Variants in DCSTAMP observed in about 807,000 individuals in gnomAD.
The protein encoded by DCSTAMP is dendritic cell-specific transmembrane protein.
In DCSTAMP, 25 loss-of-function variants were observed where a neutral mutation model predicts 33.8. The observed-to-expected ratio is 0.74, with a 90% CI of 0.54 to 1.03. The LOEUF is 1.03. DCSTAMP is among the 50% of genes least tolerant of loss of function. The pLI is 0.00. For synonymous variants in DCSTAMP, 245 were observed against 216.7 expected (o/e 1.13, Z -1.15); for missense variants, 531 against 556.8 (o/e 0.95, Z 0.47).
intron 3 of DCSTAMP, 144 bp downstream of exon 3, chr8:104,355,329 T>G (rs1243118561): frequency 2.6e-6 from 2 of 769,390 alleles, no homozygotes; most frequent in African/African-American, 1.8e-5. Flanking sequence ...TGAGGAAAAA[T>G]GAACAAACGT....
At chr8:104,353,454 C>T (rs1335116168) in intron 2 of DCSTAMP, among the ~76,000 whole-genome samples, 1 of 152,208 alleles carries the variant, frequency 6.6e-6, no homozygotes, top group African/African-American at 2.4e-5. Flanking sequence ...GACCGAACAC[C>T]CGCTGCTTTC....
At chr8:104,340,279 G>C (rs1445289534) in intron 1 of DCSTAMP, 2 of 152,136 alleles carry the variant, frequency 1.3e-5, no homozygotes, top group Non-Finnish European at 2.9e-5. Flanking sequence ...TTCCTTTCTT[G>C]TGTGAAGGCT....
rs1227918360 is a variant in DCSTAMP, at chr8:104,355,148, G to A, written c.1301G>A (p.Gly434Glu). The A allele has an allele frequency of 6.2e-6, 10 of 1,614,012 alleles. No individual in the cohort carries two copies. The highest frequency in any genetic ancestry group is 8.5e-6 in the Non-Finnish European group (10 of 1,179,994). ...LLKKRSKQPLGEVKRRLSLYL... is the reference protein window; with the variant it reads ...LLKKRSKQPLEEVKRRLSLYL... ...AAAAAAAGATCAAAGCAGCCGCTGGGAGAAGTCAAAAGACGGCTGAGTCTC... is the reference window on the plus strand; with the variant it reads ...AAAAAAAGATCAAAGCAGCCGCTGGAAGAAGTCAAAAGACGGCTGAGTCTC... Residue 434 changes from glycine to glutamate, a missense_variant, in exon 3 of 4, where the codon GGA becomes GAA. By Grantham distance (98) the Gly-to-Glu change is moderately conservative (BLOSUM62 -2). Transcript: ENST00000297581.
In DCSTAMP at chr8:104,355,019, G is replaced by T. The variant is rs182628137; in HGVS notation, c.1172G>T (p.Gly391Val). Residue 391 changes from glycine to valine, a missense_variant, in exon 3 of 4, where the codon GGA becomes GTA. Gly to Val is a moderately radical substitution (Grantham distance 109, BLOSUM62 -3). Coordinates refer to ENST00000297581, the MANE Select transcript of DCSTAMP (RefSeq NM_030788.4). ...SVILLILVML[G>V]LLSSILMQLK... is the part of the protein sequence containing the mutation. ...ATTCTTTTGATATTAGTGATGCTGG[G>T]ACTGTTGTCCTCTATCCTTATGCAA... 6.2e-7 allele frequency: 1 copy of T among 1,614,136 alleles called. No homozygotes were observed. The highest frequency in any genetic ancestry group is 2.2e-5 in the East Asian group (1 of 44,886).
At chr8:104,344,281 G>C (rs74552562) in intron 1 of DCSTAMP, among the ~76,000 whole-genome samples, 3 of 151,676 alleles carry the variant, frequency 2.0e-5, no homozygotes, top group African/African-American at 7.3e-5. Context: ...TTAAATGTAA[G>C]TGATTTGATT....
chr8:104,352,495 C>T (rs1466150517), intron 2 of DCSTAMP, among the ~76,000 whole-genome samples: 1 of 152,150 alleles, frequency 6.6e-6, no homozygotes, highest in Admixed American at 6.5e-5. Context: ...TGTCTTCCCC[C>T]CTCAATTCTC....
chr8:104,343,545 A>G (rs1408714219), intron 1 of DCSTAMP, among the ~76,000 whole-genome samples: 1 of 152,142 alleles, frequency 6.6e-6, no homozygotes, highest in African/African-American at 2.4e-5. Context: ...TTGGGTCTCT[A>G]AGGAAGTAAT....
At chr8:104,352,296 G>C (rs1429103046) in intron 2 of DCSTAMP, among the ~76,000 whole-genome samples, 1 of 152,136 alleles carries the variant, frequency 6.6e-6, no homozygotes, top group African/African-American at 2.4e-5. Flanking sequence ...TGAGCTCTCT[G>C]AGTCCCCTGA....
At chr8:104,347,953 G>GA (rs1364298654) in intron 1 of DCSTAMP, among the ~76,000 whole-genome samples, 1 of 152,162 alleles carries the variant, frequency 6.6e-6, no homozygotes, top group Non-Finnish European at 1.5e-5. Context: ...AGTCTAGAGA[G>GA]AAAACATAAG....
chr8:104,355,993 A>T, intron 3 of DCSTAMP, 131 bp from the exon 4 acceptor site: 1 of 746,390 alleles, frequency 1.3e-6, no homozygotes, highest in South Asian at 1.8e-5. Context: ...ACCCACAAAA[A>T]TAAGCTTGTC....
intron 1 of DCSTAMP, among the ~76,000 whole-genome samples, chr8:104,346,526 C>A (rs1482344006): frequency 6.6e-6 from 1 of 152,222 alleles, no homozygotes; most frequent in Non-Finnish European, 1.5e-5. Context: ...GGAACTATGG[C>A]CTTTTGCTGG....
At position 104,349,442 on chromosome 8, in the gene DCSTAMP, T is replaced by C; in HGVS notation, c.890T>C (p.Phe297Ser). Residue 297 changes from phenylalanine (F) to serine (S), a missense_variant, in exon 2 of 4, where the codon TTC becomes TCC. Physicochemically the swap from Phe to Ser is radical, Grantham distance 155. Coordinates refer to ENST00000297581, the MANE Select transcript of DCSTAMP (RefSeq NM_030788.4). ...PKERKNLGLF[F>S]LPILIHLCIW... Reference sequence around the variant, plus strand: ...GAAAGGAAAAACCTGGGGCTGTTTTTCCTCCCCATACTTATCCATCTCTGC... The same window carrying C: ...GAAAGGAAAAACCTGGGGCTGTTTTCCCTCCCCATACTTATCCATCTCTGC... The C allele has an allele frequency of 6.2e-7, 1 of 1,614,200 alleles. No individual in the cohort carries two copies. The highest frequency in any genetic ancestry group is 8.5e-7 in the Non-Finnish European group (1 of 1,180,034).
At chr8:104,350,545 C>T (rs1367902038) in intron 2 of DCSTAMP, among the ~76,000 whole-genome samples, 1 of 152,250 alleles carries the variant, frequency 6.6e-6, no homozygotes, top group Non-Finnish European at 1.5e-5. Flanking sequence ...AAATGCTACA[C>T]AGCTACACTT....
chr8:104,348,366 A>G (rs2140472232), intron 1 of DCSTAMP, among the ~76,000 whole-genome samples, 175 bp from the exon 2 acceptor site: 1 of 151,722 alleles, frequency 6.6e-6, no homozygotes, highest in South Asian at 2.1e-4. Flanking sequence ...ATAGACCTCA[A>G]CTCTTGGTGG....
intron 2 of DCSTAMP, among the ~76,000 whole-genome samples, chr8:104,354,111 C>T (rs1046319204): frequency 6.6e-6 from 1 of 152,118 alleles, no homozygotes; most frequent in African/African-American, 2.4e-5. Flanking sequence ...CTCTTGCCTT[C>T]AAAAAGAAGG....
intron 1 of DCSTAMP, among the ~76,000 whole-genome samples, chr8:104,345,870 AC>A (rs368379755): frequency 8.5e-5 from 13 of 152,346 alleles, no homozygotes; most frequent in Non-Finnish European, 1.9e-4. Context: ...GATGCAGGGA[AC>A]AAAAAGTGAG....
At position 104,354,997 on chromosome 8, in the gene DCSTAMP, C is replaced by G. The variant is rs767556903; in HGVS notation, c.1150C>G (p.Leu384Val). The G allele has an allele frequency of 2.5e-6, 4 of 1,614,072 alleles. No homozygotes were observed. The East Asian group carries it at 8.9e-5, about 36-fold the overall frequency. The change falls in exon 3 of 4, where the codon CTT becomes GTT. Residue 384 changes from leucine (L) to valine (V), a missense_variant. By Grantham distance (32) the Leu-to-Val change is conservative. Coordinates refer to ENST00000297581, the MANE Select transcript of DCSTAMP (RefSeq NM_030788.4). ...SETWVPLSVI[L>V]LILVMLGLLS... ...GACCTGGGTTCCTCTCAGTGTTATTCTTTTGATATTAGTGATGCTGGGACT... is the reference window on the plus strand; with the variant it reads ...GACCTGGGTTCCTCTCAGTGTTATTGTTTTGATATTAGTGATGCTGGGACT...
At chr8:104,356,043 C>A in intron 3 of DCSTAMP, 81 bp from the exon 4 acceptor site, 1 of 1,295,330 alleles carries the variant, frequency 7.7e-7, no homozygotes, top group Non-Finnish European at 1.1e-6. Context: ...ATCTTTAACC[C>A]CACAATGAAA....
In DCSTAMP at chr8:104,349,549, G is replaced by A. The variant is rs754799166; in HGVS notation, c.997G>A (p.Gly333Arg). 2 of 1,613,338 alleles carry A rather than the reference G, an allele frequency of 1.2e-6. No homozygotes were observed. Among genetic ancestry groups the A allele is most frequent in the Non-Finnish European group, 1.7e-6 (2 of 1,179,854 alleles). The change falls in exon 2 of 4, where the codon GGG becomes AGG. Residue 333 changes from glycine to arginine, a missense_variant. Gly to Arg is a moderately radical substitution (Grantham distance 125). Coordinates refer to ENST00000297581, the MANE Select transcript of DCSTAMP (RefSeq NM_030788.4). ...SVSKQFQSLPGFEVHLKLHGE... is the reference protein window; with the variant it reads ...SVSKQFQSLPRFEVHLKLHGE... The stretch of plus-strand genomic sequence containing the variant: ...GAGCAAGCAGTTTCAAAGCTTGCCA[G>A]GGTTTGAGGTTCACTTGAAACTGCA...
Sources: gnomAD v4.1 joint callset for allele counts (sites outside exome capture counted in the v4.1 genomes callset) on GRCh38, gnomAD v4.1.1 for gene constraint, MANE v1.5 for transcripts, NCBI Gene and HGNC (gene_info 2026-07-23, HGNC 2026-07-21) for gene names.